SNTG1: variants seen among roughly 807,000 people sequenced by gnomAD.
SNTG1 encodes gamma-1-syntrophin.
SNTG1 carries 39 observed loss-of-function variants against 74.7 expected under a neutral mutation model. That is an observed-to-expected ratio of 0.52 (90% confidence interval 0.40 to 0.68). The LOEUF (loss-of-function observed/expected upper bound fraction) is 0.68. Ranked by LOEUF, SNTG1 falls within the 30% of genes least tolerant of loss-of-function variation. The pLI, the probability that SNTG1 is intolerant of heterozygous loss-of-function variation, is 0.00. For synonymous variants in SNTG1, 254 were observed against 217.1 expected (o/e 1.17, Z -1.49); for missense variants, 685 against 609.5 (o/e 1.12, Z -1.30).
intron 1 of SNTG1, among the ~76,000 whole-genome samples, chr8:50,100,810 T>A (rs2080093761): frequency 6.6e-6 from 1 of 152,112 alleles, no homozygotes; most frequent in Non-Finnish European, 1.5e-5. Flanking sequence ...GGTTCAGGGA[T>A]CCATGTGCAG....
At chr8:50,626,442 T>C (rs111253680) in intron 13 of SNTG1, among the ~76,000 whole-genome samples, 6,553 of 152,254 alleles carry the variant, frequency 0.043, 247 homozygotes, top group African/African-American at 0.094. Flanking sequence ...AAATATAGCA[T>C]GTGGAGTGGG....
At chr8:50,352,666 C>T (rs2091699284) in intron 2 of SNTG1, among the ~76,000 whole-genome samples, 1 of 152,180 alleles carries the variant, frequency 6.6e-6, no homozygotes, top group South Asian at 2.1e-4. Context: ...GCCAGGATTA[C>T]AGGTGTATAC....
chr8:50,154,395 C>T (rs995123991), intron 1 of SNTG1, among the ~76,000 whole-genome samples: 1 of 152,114 alleles, frequency 6.6e-6, no homozygotes, highest in Non-Finnish European at 1.5e-5. Flanking sequence ...GGCGATGCCT[C>T]ACCCTGCTTC....
intron 1 of SNTG1, among the ~76,000 whole-genome samples, chr8:49,945,429 G>A (rs568367940): frequency 2.0e-5 from 3 of 152,294 alleles, no homozygotes; most frequent in Admixed American, 6.5e-5. Context: ...CAAATAATTA[G>A]AAAGCTGAGG....
intron 13 of SNTG1, among the ~76,000 whole-genome samples, chr8:50,619,968 T>C (rs899128737): frequency 1.3e-5 from 2 of 151,090 alleles, no homozygotes; most frequent in Non-Finnish European, 1.5e-5. Context: ...CCATATCAAA[T>C]TGACACAAAT....
intron 2 of SNTG1, among the ~76,000 whole-genome samples, chr8:50,326,303 C>A (rs76116810): frequency 0.059 from 8,976 of 152,020 alleles, 303 homozygotes; most frequent in Non-Finnish European, 0.071. Flanking sequence ...TGGTAGAATT[C>A]ATTTGGTAGA....
intron 8 of SNTG1, among the ~76,000 whole-genome samples, chr8:50,466,336 T>C (rs1413874792): frequency 6.6e-6 from 1 of 152,100 alleles, no homozygotes; most frequent in Non-Finnish European, 1.5e-5. Context: ...CATTGCTTCT[T>C]TGTTGACCAG....
chr8:50,784,500 T>G (rs2095669112), intron 18 of SNTG1, among the ~76,000 whole-genome samples: 1 of 152,160 alleles, frequency 6.6e-6, no homozygotes, highest in Non-Finnish European at 1.5e-5. Context: ...ATAACAATTA[T>G]AAGCATATTT....
At chr8:50,624,224 C>A (rs1372826114) in intron 13 of SNTG1, among the ~76,000 whole-genome samples, 1 of 151,908 alleles carries the variant, frequency 6.6e-6, no homozygotes, top group Non-Finnish European at 1.5e-5. Context: ...GTTAGAGTAA[C>A]CACTACTGAC....
At chr8:49,998,570 A>T (rs866250667) in intron 1 of SNTG1, among the ~76,000 whole-genome samples, 1 of 148,030 alleles carries the variant, frequency 6.8e-6, no homozygotes, top group South Asian at 2.1e-4. Flanking sequence ...CTACTTAAGC[A>T]TTTTGTTAAA....
At chr8:50,037,254 T>A (rs1171657958) in intron 1 of SNTG1, among the ~76,000 whole-genome samples, 2 of 152,218 alleles carry the variant, frequency 1.3e-5, no homozygotes, top group African/African-American at 2.4e-5. Flanking sequence ...TCTTAAAGGT[T>A]TTTTGCTGAG....
chr8:50,155,979 A>C (rs933311341), intron 1 of SNTG1, among the ~76,000 whole-genome samples: 6 of 152,082 alleles, frequency 3.9e-5, no homozygotes, highest in African/African-American at 1.4e-4. Flanking sequence ...AAAAGGAAAA[A>C]AAATAAACAC....
chr8:50,793,702 A>G lies in SNTG1; in HGVS notation c.*873A>G, dbSNP rs1170998777. 2 of 151,950 alleles carry G rather than the reference A, an allele frequency of 1.3e-5. No individual in the cohort carries two copies. The highest frequency in any genetic ancestry group is 4.8e-5 in the African/African-American group (2 of 41,432). The allele number at this position is 151,950 out of a possible 1,614,324, so 9.4% of individuals were successfully genotyped here. A position where few individuals can be genotyped will look rare whatever the true frequency, so the allele number is the denominator to read the frequency against. On this transcript the variant is annotated 3_prime_UTR_variant, in exon 19 of 19. Transcript: ENST00000642720. ...GAACCCAAAACCTTTTGTAGAGAAA[A>G]TAATATAAACAAATATGGTGTGAGA...
intron 17 of SNTG1, among the ~76,000 whole-genome samples, chr8:50,750,577 G>C (rs1032603171): frequency 1.3e-5 from 2 of 151,842 alleles, no homozygotes; most frequent in African/African-American, 4.8e-5. Flanking sequence ...AATTGTCACA[G>C]CCACCCCAAC....
At chr8:50,570,566 TA>T (rs2094542949) in intron 12 of SNTG1, among the ~76,000 whole-genome samples, 1 of 45,100 alleles carries the variant, frequency 2.2e-5, no homozygotes, top group African/African-American at 1.0e-4. Flanking sequence ...CCTTATTTTT[TA>T]TTATTATTAT....
In SNTG1 at chr8:50,142,929, C is replaced by T. The variant is rs1310714829; in HGVS notation, c.-102-29632C>T. 3.3e-5 allele frequency among the ~76,000 whole-genome samples: 5 copies of T among 152,072 alleles called. No homozygotes were observed. The East Asian group carries it at 9.7e-4, about 30-fold the overall frequency. Reference sequence around the variant, plus strand: ...TTTACTAAAAATACAAAAAAATTAGCTGGGTCTGGTGGCGGGCACCTGTAG... The same window carrying T: ...TTTACTAAAAATACAAAAAAATTAGTTGGGTCTGGTGGCGGGCACCTGTAG... On this transcript the variant is annotated intron_variant, in intron 1 of 18. Transcript: ENST00000642720.
intron 1 of SNTG1, among the ~76,000 whole-genome samples, chr8:49,929,377 G>A (rs893200509): frequency 6.6e-6 from 1 of 152,206 alleles, no homozygotes. Flanking sequence ...GCTAGGCGGA[G>A]AAGGCAAGCC....
rs543483854 is a variant in SNTG1, at chr8:49,946,952, T to C, written c.-103+34721T>C. On this transcript the variant is annotated intron_variant, in intron 1 of 18. Transcript: ENST00000642720. ...TATTCAACATATACGTTTAACACAT[T>C]CACAACAAATTTAGCAATTCGTAAT... Among the ~76,000 whole-genome samples, 4 of 152,302 alleles carry C rather than the reference T, an allele frequency of 2.6e-5. No individual in the cohort carries two copies. The South Asian group carries it at 8.3e-4, about 32-fold the overall frequency.
chr8:50,779,739 T>C (rs963314851), intron 18 of SNTG1, among the ~76,000 whole-genome samples: 34 of 145,464 alleles, frequency 2.3e-4, no homozygotes, highest in Non-Finnish European at 4.3e-4. Flanking sequence ...TCCAACACTA[T>C]GTTGAATAGG....
Sources: gnomAD v4.1 joint callset for allele counts (sites outside exome capture counted in the v4.1 genomes callset) on GRCh38, gnomAD v4.1.1 for gene constraint, MANE v1.5 for transcripts, NCBI Gene and HGNC (gene_info 2026-07-23, HGNC 2026-07-21) for gene names.